The following KRIT1 variants were observed in gnomAD, a reference collection of about 807,000 sequenced individuals.
KRIT1 encodes KRIT1 ankyrin repeat containing.
KRIT1 carries 45 observed loss-of-function variants against 95.8 expected under a neutral mutation model. The ratio of observed to expected loss-of-function variants is 0.47; its 90% CI spans 0.37 to 0.60. KRIT1 has a LOEUF of 0.60. Ranked by LOEUF, KRIT1 falls within the 20% of genes least tolerant of loss-of-function variation. KRIT1 has a pLI of 0.00. For missense variants in KRIT1, 788 were observed against 877.5 expected, an observed-to-expected ratio of 0.90 and a Z score of 1.29; for synonymous variants, 282 against 278.8, an observed-to-expected ratio of 1.01 and a Z score of -0.11.
intron 12 of KRIT1, among the ~76,000 whole-genome samples, chr7:92,224,218 G>A (rs1461382111): frequency 6.6e-6 from 1 of 152,176 alleles, no homozygotes; most frequent in Non-Finnish European, 1.5e-5. Context: ...AATGCCTGGA[G>A]AGGCTTAGGT....
In KRIT1 at chr7:92,245,793, C is replaced by G. The variant is rs938017386; in HGVS notation, c.-424G>C. 6.3e-6 allele frequency: 1 copy of G among 157,630 alleles called. No homozygotes were observed. Among genetic ancestry groups the G allele is most frequent in the African/African-American group, 2.4e-5 (1 of 41,456 alleles). The allele number at this position is 157,630 out of a possible 1,614,324, so 9.8% of individuals were successfully genotyped here. A position where few individuals can be genotyped will look rare whatever the true frequency, so the allele number is the denominator to read the frequency against. The stretch of plus-strand genomic sequence containing the variant: ...AGTCGGAGACCCTCCTGCCCACCTG[C>G]TCTTTACTGTCCTTCCCTCTCCTCG... On this transcript the variant is annotated 5_prime_UTR_variant, in exon 1 of 19. Transcript: ENST00000394505.
intron 6 of KRIT1, among the ~76,000 whole-genome samples, chr7:92,237,383 C>T (rs1798648782): frequency 6.6e-6 from 1 of 151,958 alleles, no homozygotes; most frequent in South Asian, 2.1e-4. Context: ...TAGAAAAATC[C>T]TTTATTGTAA....
At chr7:92,201,139 T>A (rs1282395854) in intron 18 of KRIT1, among the ~76,000 whole-genome samples, 168 bp downstream of exon 18, 1 of 152,252 alleles carries the variant, frequency 6.6e-6, no homozygotes, top group African/African-American at 2.4e-5. Context: ...GGTAAGTTTC[T>A]GATTTTTCCT....
Position 92,222,032 on chromosome 7 carries a change from T to A in KRIT1, c.1433A>T (p.His478Leu). ...ENLSLQLKPYHKPLQHVRDWP... is the reference protein window; with the variant it reads ...ENLSLQLKPYLKPLQHVRDWP... ...GTCACGAACATGTTGCAAGGGTTTA[T>A]GATATGGTTTGAGTTGAAGGCCTGA... Residue 478 changes from histidine (H) to leucine (L), a missense_variant, in exon 14 of 19, where the codon CAT (histidine) becomes CTT (leucine). Around this residue, in one of 3 missense-constraint regions of KRIT1, gnomAD observed 493 missense variants for 582.3 expected, o/e 0.85. Coordinates refer to ENST00000394505, the MANE Select transcript of KRIT1 (RefSeq NM_194454.3). The A allele has an allele frequency of 6.2e-7, 1 of 1,613,724 alleles. No homozygotes were observed. Among genetic ancestry groups the A allele is most frequent in the Non-Finnish European group, 8.5e-7 (1 of 1,179,648 alleles).
At chr7:92,240,567 T>C (rs1265970563) in intron 5 of KRIT1, among the ~76,000 whole-genome samples, 1 of 152,168 alleles carries the variant, frequency 6.6e-6, no homozygotes, top group Admixed American at 6.5e-5. Flanking sequence ...CACAATTCAG[T>C]TTGACTTTCT....
chr7:92,237,424 CCCT>C (rs957137433), intron 6 of KRIT1, among the ~76,000 whole-genome samples: 35 of 152,018 alleles, frequency 2.3e-4, no homozygotes, highest in African/African-American at 5.6e-4. Context: ...ATTATGCCTT[CCCT>C]CCTCATTTCT....
intron 9 of KRIT1, 98 bp from the exon 10 acceptor site, chr7:92,234,690 A>G: frequency 8.5e-7 from 1 of 1,180,024 alleles, no homozygotes; most frequent in Non-Finnish European, 1.3e-6. Flanking sequence ...ATCACTAAGA[A>G]GCTGTAAACT....
chr7:92,231,110 G>T (rs565463278), intron 10 of KRIT1, among the ~76,000 whole-genome samples: 1 of 152,240 alleles, frequency 6.6e-6, no homozygotes, highest in Non-Finnish European at 1.5e-5. Flanking sequence ...AAAATAGAGG[G>T]TCTGGCATAG....
intron 14 of KRIT1, among the ~76,000 whole-genome samples, chr7:92,220,603 G>GT (rs1213819652): frequency 6.7e-6 from 1 of 149,568 alleles, no homozygotes; most frequent in African/African-American, 2.5e-5. Flanking sequence ...CACTAACATT[G>GT]TAAGACTGTG....
chr7:92,206,803 A>G (rs1029512719), intron 17 of KRIT1: 4 of 152,118 alleles, frequency 2.6e-5, no homozygotes, highest in Non-Finnish European at 5.9e-5. Flanking sequence ...GACATATAAG[A>G]TAACAAAAGT....
In KRIT1 at chr7:92,234,522, G is replaced by A. The variant is rs146328341; in HGVS notation, c.916C>T (p.Arg306Cys). ...ACTGAAAATCTTTCACTGAGAAGAC[G>A]GCTTAGTAATTCTGAATCTCCTTCA... Reference protein sequence around the residue: ...ACEGDSELLSRLLSERFSVNQ... With the variant: ...ACEGDSELLSCLLSERFSVNQ... The change falls in exon 10 of 19, where the codon CGT (arginine) becomes TGT (cysteine). Residue 306 changes from arginine (R) to cysteine (C), a missense_variant. Arg to Cys is a radical substitution (Grantham distance 180, BLOSUM62 -3). Around this residue, in one of 3 missense-constraint regions of KRIT1, gnomAD observed 493 missense variants for 582.3 expected, o/e 0.85. Coordinates refer to ENST00000394505, the MANE Select transcript of KRIT1 (RefSeq NM_194454.3). 41 of 1,610,870 alleles carry A rather than the reference G, an allele frequency of 2.5e-5. No individual in the cohort carries two copies. The African/African-American group carries it at 3.6e-4, about 14-fold the overall frequency.
At chr7:92,217,772 T>C (rs923221911) in intron 14 of KRIT1, among the ~76,000 whole-genome samples, 1 of 152,232 alleles carries the variant, frequency 6.6e-6, no homozygotes, top group African/African-American at 2.4e-5. Context: ...TTCAGGCATA[T>C]ATCTAGGAGT....
intron 2 of KRIT1, 83 bp downstream of exon 2, chr7:92,244,819 C>G (rs1359871478): frequency 1.3e-5 from 2 of 152,084 alleles, no homozygotes; most frequent in East Asian, 3.9e-4. Context: ...ATGTTAGGCA[C>G]AAATGATAAT....
intron 17 of KRIT1, among the ~76,000 whole-genome samples, chr7:92,201,861 G>A (rs1790246262): frequency 6.6e-6 from 1 of 152,160 alleles, no homozygotes; most frequent in South Asian, 2.1e-4. Context: ...CCTTTTCAAA[G>A]CACCCCGCAC....
At position 92,226,533 on chromosome 7, in the gene KRIT1, G is replaced by A. The variant is rs533696377; in HGVS notation, c.1139C>T (p.Thr380Met). Residue 380 changes from threonine to methionine, a missense_variant, in exon 11 of 19, where the codon ACG becomes ATG. Physicochemically the swap from Thr to Met is moderately conservative, Grantham distance 81. Coordinates refer to ENST00000394505, the MANE Select transcript of KRIT1 (RefSeq NM_194454.3). ...ACCTGGAAAATAACTTACTCTATCC[G>A]TTTCTGGGTGGTTTAGGAGAATCTG... ...IVQILLNHPE[T>M]DRHITDQQGR... 3.4e-5 allele frequency: 54 copies of A among 1,610,284 alleles called. No individual in the cohort carries two copies. The highest frequency in any genetic ancestry group is 3.3e-4 in the South Asian group (30 of 91,014).
At chr7:92,235,266 C>CT (rs1354232303) in intron 8 of KRIT1, 137 bp downstream of exon 8, 1 of 859,814 alleles carries the variant, frequency 1.2e-6, no homozygotes, top group African/African-American at 1.7e-5. Context: ...TCCCAAAGTG[C>CT]TGGGATTACA....
At chr7:92,234,245 C>T (rs921589591) in intron 10 of KRIT1, among the ~76,000 whole-genome samples, 1 of 152,188 alleles carries the variant, frequency 6.6e-6, no homozygotes, top group Non-Finnish European at 1.5e-5. Flanking sequence ...CCTAAGGACA[C>T]TAACAGTACG....
intron 17 of KRIT1, among the ~76,000 whole-genome samples, chr7:92,210,873 A>G (rs1792650861): frequency 6.6e-6 from 1 of 152,192 alleles, no homozygotes; most frequent in Non-Finnish European, 1.5e-5. Flanking sequence ...GGCAATGATT[A>G]GAACAGACAT....
At chr7:92,233,161 TACACACACAC>T (rs139965359) in intron 10 of KRIT1, among the ~76,000 whole-genome samples, 2,528 of 149,368 alleles carry the variant, frequency 0.017, 30 homozygotes, top group Middle Eastern at 0.028. Flanking sequence ...GATCTTTTTA[TACACACACAC>T]ACACACACAC....
Sources: gnomAD v4.1 joint callset for allele counts (sites outside exome capture counted in the v4.1 genomes callset) on GRCh38, gnomAD v4.1.1 for gene constraint, gnomAD v4.1.1 regional missense constraint, MANE v1.5 for transcripts, NCBI Gene and HGNC (gene_info 2026-07-23, HGNC 2026-07-21) for gene names.